Variants in CHODL observed in about 807,000 individuals in gnomAD.
The protein encoded by CHODL is transmembrane protein MT75.
In CHODL, 29 loss-of-function variants were observed where a neutral mutation model predicts 34.5. That is an observed-to-expected ratio of 0.84 (90% CI 0.63 to 1.15). CHODL has a LOEUF of 1.15. CHODL is among the 50% of genes most tolerant of loss of function. CHODL has a pLI of 0.00. For synonymous variants in CHODL, 125 were observed against 116.1 expected (o/e 1.08, Z -0.49); for missense variants, 332 against 332.5 (o/e 1.00, Z 0.01).
At chr21:18,179,303 C>T (rs112659026) in intron 2 of CHODL, among the ~76,000 whole-genome samples, 4 of 152,262 alleles carry the variant, frequency 2.6e-5, no homozygotes, top group African/African-American at 9.6e-5. Context: ...GAGTCAGCCT[C>T]TGTTCGTCGA....
chr21:18,130,931 C>A (rs909691237), intron 2 of CHODL, among the ~76,000 whole-genome samples: 3 of 152,076 alleles, frequency 2.0e-5, no homozygotes, highest in Non-Finnish European at 4.4e-5. Flanking sequence ...GCTTGGGCAA[C>A]CATAAATATA....
chr21:18,048,982 C>G (rs937687855), intron 2 of CHODL, among the ~76,000 whole-genome samples: 1 of 151,814 alleles, frequency 6.6e-6, no homozygotes, highest in African/African-American at 2.4e-5. Context: ...CTAAAGAACA[C>G]TTTAGTATTG....
chr21:18,154,912 G>A (rs1042391578), intron 2 of CHODL, among the ~76,000 whole-genome samples: 1 of 152,178 alleles, frequency 6.6e-6, no homozygotes, highest in Non-Finnish European at 1.5e-5. Flanking sequence ...TGTAGAGATC[G>A]TATCTGGGAA....
chr21:18,018,582 A>G (rs752250491), intron 1 of CHODL, among the ~76,000 whole-genome samples: 1 of 152,194 alleles, frequency 6.6e-6, no homozygotes, highest in Non-Finnish European at 1.5e-5. Flanking sequence ...AGGTCTCCCC[A>G]TAAGCTGAGC....
At chr21:17,983,586 AG>A (rs2063730738) in intron 1 of CHODL, among the ~76,000 whole-genome samples, 1 of 152,174 alleles carries the variant, frequency 6.6e-6, no homozygotes, top group South Asian at 2.1e-4. Context: ...GTCAAAACAT[AG>A]TATCTTAATT....
intron 1 of CHODL, among the ~76,000 whole-genome samples, chr21:17,967,643 A>G (rs1330104808): frequency 6.6e-6 from 1 of 152,154 alleles, no homozygotes; most frequent in Non-Finnish European, 1.5e-5. Flanking sequence ...CTACTTGGCA[A>G]TGTACATCTT....
rs556142812 is a variant in CHODL, at chr21:17,945,263, G to T, written c.-145+27863G>T. Reference sequence around the variant, plus strand: ...CAATAATGGAACCCAAAGAAATGGGGATCTATAAAATGACTAAAAAAAATT... The same window carrying T: ...CAATAATGGAACCCAAAGAAATGGGTATCTATAAAATGACTAAAAAAAATT... On this transcript the variant is annotated intron_variant, in intron 1 of 6. Coordinates refer to the CHODL transcript ENST00000400127. Among the ~76,000 whole-genome samples the T allele has an allele frequency of 8.9e-4, 133 of 150,226 alleles. No individual in the cohort carries two copies. The South Asian group carries it at 0.019, about 22-fold the overall frequency.
intron 1 of CHODL, among the ~76,000 whole-genome samples, chr21:18,011,390 T>G (rs1434509637): frequency 6.6e-6 from 1 of 152,130 alleles, no homozygotes; most frequent in Non-Finnish European, 1.5e-5. Context: ...GGGAGATAAA[T>G]GAGTATTTTA....
chr21:18,055,922 C>A (rs147965195), intron 2 of CHODL, among the ~76,000 whole-genome samples: 2 of 151,832 alleles, frequency 1.3e-5, no homozygotes, highest in South Asian at 2.1e-4. Context: ...ATGATGATAT[C>A]TCTCTCTTTC....
chr21:17,939,559 A>C (rs1228939020), intron 1 of CHODL, among the ~76,000 whole-genome samples: 2 of 152,230 alleles, frequency 1.3e-5, no homozygotes, highest in Non-Finnish European at 2.9e-5. Context: ...ATAAATAAAA[A>C]ATTAAACATT....
intron 2 of CHODL, among the ~76,000 whole-genome samples, chr21:18,043,051 T>C (rs1028408790): frequency 1.3e-5 from 2 of 151,986 alleles, no homozygotes; most frequent in African/African-American, 4.8e-5. Context: ...AGACAAATTA[T>C]AACTGCAAGA....
intron 1 of CHODL, among the ~76,000 whole-genome samples, chr21:17,994,797 G>A (rs941630576): frequency 6.6e-6 from 1 of 152,152 alleles, no homozygotes; most frequent in African/African-American, 2.4e-5. Context: ...TGGTATGTGG[G>A]TGCCAGCAGT....
At chr21:18,055,088 T>C (rs2064562502) in intron 2 of CHODL, among the ~76,000 whole-genome samples, 1 of 152,012 alleles carries the variant, frequency 6.6e-6, no homozygotes, top group Non-Finnish European at 1.5e-5. Flanking sequence ...CACTCAACAA[T>C]AATAGACTGA....
chr21:17,947,797 C>T (rs1195810053), intron 1 of CHODL, among the ~76,000 whole-genome samples: 1 of 152,044 alleles, frequency 6.6e-6, no homozygotes, highest in Non-Finnish European at 1.5e-5. Flanking sequence ...TAATCCCACT[C>T]CTAGATATCT....
At chr21:17,947,102 A>G (rs1025182281) in intron 1 of CHODL, among the ~76,000 whole-genome samples, 2 of 152,142 alleles carry the variant, frequency 1.3e-5, no homozygotes, top group African/African-American at 2.4e-5. Context: ...TACATCATCT[A>G]TTAGACCACA....
intron 1 of CHODL, among the ~76,000 whole-genome samples, chr21:17,923,077 C>T (rs181396208): frequency 6.6e-6 from 1 of 151,766 alleles, no homozygotes; most frequent in East Asian, 1.9e-4. Context: ...ATTAGCCCCT[C>T]CAAAGAAGGC....
intron 2 of CHODL, among the ~76,000 whole-genome samples, chr21:18,145,402 A>C (rs2072866729): frequency 7.3e-6 from 1 of 137,530 alleles, no homozygotes. Flanking sequence ...GCGCCACTGC[A>C]CTCCAGCCTA....
At chr21:18,163,052 A>G (rs1050530603) in intron 2 of CHODL, among the ~76,000 whole-genome samples, 1 of 152,184 alleles carries the variant, frequency 6.6e-6, no homozygotes, top group African/African-American at 2.4e-5. Flanking sequence ...TATATCATCT[A>G]TATCTATATA....
intron 1 of CHODL, among the ~76,000 whole-genome samples, chr21:17,947,638 A>T (rs1324313072): frequency 2.6e-5 from 4 of 152,070 alleles, no homozygotes; most frequent in Non-Finnish European, 4.4e-5. Context: ...GCCAAAAAGC[A>T]CATGAAAAAT....
Sources: gnomAD v4.1 joint callset for allele counts (sites outside exome capture counted in the v4.1 genomes callset) on GRCh38, gnomAD v4.1.1 for gene constraint, MANE v1.5 for transcripts, NCBI Gene and HGNC (gene_info 2026-07-23, HGNC 2026-07-21) for gene names.